KDM7A: variants seen among roughly 807,000 people sequenced by gnomAD.
KDM7A encodes the protein lysine-specific demethylase 7A.
In KDM7A, 28 loss-of-function variants were observed where a neutral mutation model predicts 114.8. The ratio of observed to expected loss-of-function variants is 0.24; its 90% confidence interval spans 0.18 to 0.33. The LOEUF (loss-of-function observed/expected upper bound fraction) is 0.33, where lower values mean the gene tolerates loss of function less well. Among genes scored for constraint, KDM7A ranks in the 10% least tolerant of loss-of-function variants. The pLI, the probability that KDM7A is intolerant of heterozygous loss-of-function variation, is 1.00. For synonymous variants in KDM7A, 423 were observed against 397.8 expected (o/e 1.06, Z -0.75); for missense variants, 942 against 1,142.5 (o/e 0.82, Z 2.53).
Position 140,088,240 on chromosome 7 carries a change from C to T in KDM7A, c.*2854G>A, listed in dbSNP as rs1272142042. On this transcript the variant is annotated 3_prime_UTR_variant, in exon 20 of 20. Coordinates refer to ENST00000397560, the MANE Select transcript of KDM7A (RefSeq NM_030647.2). ...TTCTAGGATACTGAACTACTACAAA[C>T]TGCCAACTTTATATTGTTTACATCA... The T allele has an allele frequency of 6.0e-6, 2 of 335,980 alleles. No individual in the cohort carries two copies. The highest frequency in any genetic ancestry group is 1.1e-5 in the Non-Finnish European group (2 of 186,866). 20.8% of individuals were successfully genotyped at this position (335,980 alleles called of 1,614,324 possible). A position where few individuals can be genotyped will look rare whatever the true frequency, so the allele number is the denominator to read the frequency against.
intron 1 of KDM7A, among the ~76,000 whole-genome samples, chr7:140,162,687 G>A (rs1794533879): frequency 1.3e-5 from 2 of 152,060 alleles, no homozygotes; most frequent in African/African-American, 4.8e-5. Context: ...TATGACTACA[G>A]ATAAAAACAA....
rs542216162 is a variant in KDM7A, at chr7:140,093,057, G to A, written c.2458-980C>T. Among the ~76,000 whole-genome samples, 38 of 151,930 alleles carry A rather than the reference G, an allele frequency of 2.5e-4. No individual in the cohort carries two copies. The South Asian group carries it at 5.0e-3, about 20-fold the overall frequency. On this transcript the variant is annotated intron_variant, in intron 18 of 19. Transcript: ENST00000397560. ...ATTGCTTAAATATTTAGAAAATATAGACAAGCCAAATTTAAAAAATTAATA... is the reference window on the plus strand; with the variant it reads ...ATTGCTTAAATATTTAGAAAATATAAACAAGCCAAATTTAAAAAATTAATA...
At chr7:140,156,874 A>G (rs1434459832) in intron 1 of KDM7A, among the ~76,000 whole-genome samples, 1 of 152,202 alleles carries the variant, frequency 6.6e-6, no homozygotes, top group Non-Finnish European at 1.5e-5. Context: ...CTGCATATGT[A>G]CAAGCCTAGT....
Position 140,099,988 on chromosome 7 carries a change from G to A in KDM7A, c.1674C>T (p.Asn558=). ...ILSSKLNGKF[N]KHLQPSSTVP... Reference sequence around the variant, plus strand: ...CTGTGGAGGATGGTTGGAGATGTTTGTTGAATTTTCCATTCAGTTTAGAGC... The same window carrying A: ...CTGTGGAGGATGGTTGGAGATGTTTATTGAATTTTCCATTCAGTTTAGAGC... Residue 558 remains asparagine, a synonymous_variant, in exon 13 of 20, where the codon AAC becomes AAT. Coordinates refer to ENST00000397560, the MANE Select transcript of KDM7A (RefSeq NM_030647.2). 6.2e-7 allele frequency: 1 copy of A among 1,613,884 alleles called. No homozygotes were observed. The highest frequency in any genetic ancestry group is 1.3e-5 in the African/African-American group (1 of 75,046).
At chr7:140,115,053 C>T (rs1166974512) in intron 9 of KDM7A, among the ~76,000 whole-genome samples, 3 of 151,866 alleles carry the variant, frequency 2.0e-5, no homozygotes, top group South Asian at 2.1e-4. Flanking sequence ...AGCCCCTGCT[C>T]GGCCAGCCGC....
In KDM7A at chr7:140,086,061, A is replaced by G. The variant is rs1817919420; in HGVS notation, c.*5033T>C. On this transcript the variant is annotated 3_prime_UTR_variant, in exon 20 of 20. Transcript: ENST00000397560. ...TTTGAAAAAGAAATGGCCAAAATGAAACTGGTTGGAGACAAGTTTTACCTT... is the reference window on the plus strand; with the variant it reads ...TTTGAAAAAGAAATGGCCAAAATGAGACTGGTTGGAGACAAGTTTTACCTT... 1 of 152,226 alleles carries G rather than the reference A, an allele frequency of 6.6e-6. No homozygotes were observed. The highest frequency in any genetic ancestry group is 2.1e-4 in the South Asian group (1 of 4,836). The allele number at this position is 152,226 out of a possible 1,614,324, so 9.4% of individuals were successfully genotyped here.
intron 1 of KDM7A, among the ~76,000 whole-genome samples, chr7:140,169,144 A>C (rs1794610605): frequency 6.6e-6 from 1 of 152,216 alleles, no homozygotes; most frequent in South Asian, 2.1e-4. Context: ...AGACACGAAA[A>C]TCATACAAGT....
intron 12 of KDM7A, among the ~76,000 whole-genome samples, chr7:140,100,711 CATATATATATAT>C (rs58767645): frequency 5.3e-5 from 3 of 56,972 alleles, no homozygotes; most frequent in East Asian, 5.3e-4. Context: ...TATATATACA[CATATATATATAT>C]ATATATATAT....
chr7:140,163,253 C>T (rs558511846), intron 1 of KDM7A, among the ~76,000 whole-genome samples: 4 of 152,012 alleles, frequency 2.6e-5, no homozygotes, highest in Non-Finnish European at 5.9e-5. Flanking sequence ...CTGAGCCTCC[C>T]AAAGTGCTGG....
intron 1 of KDM7A, among the ~76,000 whole-genome samples, chr7:140,161,407 A>G (rs1794516711): frequency 6.6e-6 from 1 of 152,236 alleles, no homozygotes; most frequent in Non-Finnish European, 1.5e-5. Flanking sequence ...TTAAAATGCT[A>G]CCAAAACTGT....
intron 17 of KDM7A, 123 bp downstream of exon 17, chr7:140,096,424 TGGTCAACC>T: frequency 1.4e-5 from 10 of 690,892 alleles, no homozygotes; most frequent in Admixed American, 1.1e-4. Flanking sequence ...GTGCTTTTTT[TGGTCAACC>T]TTCTTAACAC....
intron 9 of KDM7A, among the ~76,000 whole-genome samples, chr7:140,118,894 C>A (rs569083403): frequency 6.6e-6 from 1 of 152,076 alleles, no homozygotes; most frequent in African/African-American, 2.4e-5. Flanking sequence ...CCAGGTCTTT[C>A]ATAACAAATT....
intron 18 of KDM7A, 141 bp from the exon 19 acceptor site, chr7:140,092,218 G>T: frequency 1.4e-6 from 1 of 728,268 alleles, no homozygotes; most frequent in Non-Finnish European, 2.2e-6. Context: ...AGCCACGGAT[G>T]ACCACTCCTG....
chr7:140,147,331 T>C (rs1794349716), intron 1 of KDM7A, among the ~76,000 whole-genome samples: 2 of 152,172 alleles, frequency 1.3e-5, no homozygotes, highest in South Asian at 4.1e-4. Flanking sequence ...AACTAATATA[T>C]TGTGGCAAAA....
chr7:140,156,887 C>A (rs567945615), intron 1 of KDM7A, among the ~76,000 whole-genome samples: 1 of 152,218 alleles, frequency 6.6e-6, no homozygotes, highest in Non-Finnish European at 1.5e-5. Context: ...AGCCTAGTCT[C>A]GCAAACCTCT....
chr7:140,091,116 C>T lies in KDM7A; in HGVS notation c.2804G>A (p.Gly935Asp). ...LGKILKLNRNGHARFFV is the reference protein window; with the variant it reads ...LGKILKLNRNDHARFFV ...CTGTCACACAAAGAAACGTGCATGG[C>T]CATTTCTGTTCAACTTAAGGATCTT... Residue 935 changes from glycine (G) to aspartate (D), a missense_variant, in exon 20 of 20, where the codon GGC (glycine) becomes GAC (aspartate). By Grantham distance (94) the Gly-to-Asp change is moderately conservative. Around this residue, in one of 4 missense-constraint regions of KDM7A, gnomAD observed 512 missense variants for 576.6 expected, o/e 0.89. Transcript: ENST00000397560. 1 of 1,613,460 alleles carries T rather than the reference C, an allele frequency of 6.2e-7. No individual in the cohort carries two copies. The highest frequency in any genetic ancestry group is 8.5e-7 in the Non-Finnish European group (1 of 1,179,354).
rs868830375 is a variant in KDM7A at position 140,115,274 on chromosome 7, G to A, written c.1247-1692C>T. Among the ~76,000 whole-genome samples the A allele has an allele frequency of 5.9e-5, 9 of 152,328 alleles. 1 individual carries two copies. The highest frequency in any genetic ancestry group is 4.1e-4 in the South Asian group (2 of 4,830). On this transcript the variant is annotated intron_variant, in intron 9 of 19. Transcript: ENST00000397560. The stretch of plus-strand genomic sequence containing the variant: ...AAGTGAGGAGCCCCTCTGCCCAGCC[G>A]CCACCCCGTCTGGGAGGTGTAACCC...
intron 6 of KDM7A, 108 bp from the exon 7 acceptor site, chr7:140,124,891 T>C: frequency 2.9e-6 from 2 of 684,492 alleles, no homozygotes; most frequent in Non-Finnish European, 4.8e-6. Flanking sequence ...TGGATAATTA[T>C]CAGATTCTTT....
At chr7:140,124,848 T>C (rs1250235414) in intron 6 of KDM7A, 65 bp from the exon 7 acceptor site, 1 of 921,060 alleles carries the variant, frequency 1.1e-6, no homozygotes, top group East Asian at 2.6e-5. Flanking sequence ...CCTACATTGA[T>C]GCAATTTCTC....
Sources: gnomAD v4.1 joint callset for allele counts (sites outside exome capture counted in the v4.1 genomes callset) on GRCh38, gnomAD v4.1.1 for gene constraint, gnomAD v4.1.1 regional missense constraint, MANE v1.5 for transcripts, NCBI Gene and HGNC (gene_info 2026-07-23, HGNC 2026-07-21) for gene names.